The following FAM149A variants were observed in gnomAD, a reference collection of about 807,000 sequenced individuals.
The protein encoded by FAM149A is family with sequence similarity 149 member A, also known as protein FAM149A.
Under a neutral mutation model 78.2 loss-of-function variants are expected in FAM149A, and 71 were observed. The observed-to-expected ratio is 0.91, with a 90% CI of 0.75 to 1.11. The LOEUF is 1.11. FAM149A is among the 50% of genes least tolerant of loss of function. FAM149A has a pLI of 0.00. For synonymous variants in FAM149A, 446 were observed against 410.5 expected (o/e 1.09, Z -1.04); for missense variants, 1,036 against 971.0 (o/e 1.07, Z -0.89).
chr4:186,171,935 C>T lies in FAM149A; in HGVS notation c.2240C>T (p.Ser747Phe). The T allele has an allele frequency of 6.2e-7, 1 of 1,611,178 alleles. No homozygotes were observed. The highest frequency in any genetic ancestry group is 8.5e-7 in the Non-Finnish European group (1 of 1,178,950). Residue 747 changes from serine (S) to phenylalanine (F), a missense_variant, in exon 14 of 14, where the codon TCT (serine) becomes TTT (phenylalanine). By Grantham distance (155) the Ser-to-Phe change is radical. Transcript: ENST00000389354. ...CCAGGTTCACAATATGTGCCTAAAT[C>T]TTTTCAGAGGACAACTTTGACTTTC...
chr4:186,153,705 C>G lies in FAM149A; in HGVS notation c.993C>G (p.Ser331Arg). ...AAGGCGTCCAGCATTTCCAGGGCAG[C>G]ACTCCTGCCTCCGCAGTCCACAGAC... Residue 331 changes from serine to arginine, a missense_variant, in exon 5 of 14, where the codon AGC becomes AGG. Coordinates refer to ENST00000389354, the MANE Select transcript of FAM149A (RefSeq NM_001367768.3). 1 of 1,614,006 alleles carries G rather than the reference C, an allele frequency of 6.2e-7. No homozygotes were observed. Among genetic ancestry groups the G allele is most frequent in the Admixed American group, 1.7e-5 (1 of 60,026 alleles).
intron 1 of FAM149A, chr4:186,126,738 G>C (rs2099318495): frequency 3.0e-6 from 1 of 338,936 alleles, no homozygotes; most frequent in African/African-American, 2.2e-5. Flanking sequence ...TGGCTTTCCT[G>C]GTTCTTCAGC....
rs1000736356 is a variant in FAM149A at position 186,162,909 on chromosome 4, C to A, written c.1640C>A (p.Pro547Gln). The change falls in exon 9 of 14, where the codon CCG becomes CAG. Residue 547 changes from proline (P) to glutamine (Q), a missense_variant. Pro to Gln is a moderately conservative substitution (Grantham distance 76). This residue lies in a region of FAM149A where 716 missense variants were observed against 711.8 expected (regional missense o/e 1.01). Coordinates refer to ENST00000389354, the MANE Select transcript of FAM149A (RefSeq NM_001367768.3). The stretch of plus-strand genomic sequence containing the variant: ...GGTGTCATGACAATTCAAGCAAAAC[C>A]GCTTCAGCGGAGACCTGCCTATTTT... 6.2e-7 allele frequency: 1 copy of A among 1,610,542 alleles called. No homozygotes were observed. Among genetic ancestry groups the A allele is most frequent in the Admixed American group, 1.7e-5 (1 of 59,646 alleles).
At chr4:186,168,514 C>A (rs1735250111) in intron 13 of FAM149A, among the ~76,000 whole-genome samples, 1 of 152,198 alleles carries the variant, frequency 6.6e-6, no homozygotes, top group African/African-American at 2.4e-5. Flanking sequence ...TGCCACGATG[C>A]CTGGCTAATG....
At chr4:186,132,817 T>C (rs891500897) in intron 1 of FAM149A, 5 of 208,050 alleles carry the variant, frequency 2.4e-5, no homozygotes, top group African/African-American at 1.2e-4. Context: ...GATAGTTTCT[T>C]GCATGACTCA....
At chr4:186,114,246 G>T (rs2099312616) in intron 1 of FAM149A, among the ~76,000 whole-genome samples, 1 of 27,256 alleles carries the variant, frequency 3.7e-5, no homozygotes, top group Admixed American at 4.4e-4. Flanking sequence ...CCATTGGCTT[G>T]GTAGATCTTC....
At chr4:186,160,604 A>G (rs1734511656) in intron 8 of FAM149A, among the ~76,000 whole-genome samples, 1 of 147,094 alleles carries the variant, frequency 6.8e-6, no homozygotes, top group Non-Finnish European at 1.5e-5. Context: ...ACACACATAC[A>G]CCACATGCAT....
chr4:186,129,441 T>C (rs1330441077), intron 1 of FAM149A, among the ~76,000 whole-genome samples: 3 of 152,174 alleles, frequency 2.0e-5, no homozygotes. Flanking sequence ...GAAAGATGAA[T>C]GTGATTCATA....
intron 1 of FAM149A, chr4:186,127,452 C>T: frequency 3.0e-6 from 3 of 985,438 alleles, no homozygotes; most frequent in Non-Finnish European, 3.6e-6. Context: ...GAAGAGATGT[C>T]AAGAGGCTGG....
intron 8 of FAM149A, among the ~76,000 whole-genome samples, chr4:186,159,620 A>G (rs1734349674): frequency 6.6e-6 from 1 of 152,140 alleles, no homozygotes. Context: ...ATCTTGTCCA[A>G]GGGATTATTG....
At chr4:186,131,235 T>C (rs2099320610) in intron 1 of FAM149A, among the ~76,000 whole-genome samples, 2 of 151,934 alleles carry the variant, frequency 1.3e-5, no homozygotes, top group Non-Finnish European at 2.9e-5. Flanking sequence ...GTAATCCCAT[T>C]TACTCGGGAG....
In FAM149A at chr4:186,164,153, C is replaced by T. The variant is rs949315949; in HGVS notation, c.1889+520C>T. On this transcript the variant is annotated intron_variant, in intron 10 of 13. Coordinates refer to ENST00000389354, the MANE Select transcript of FAM149A (RefSeq NM_001367768.3). This position sits in a 1 kb window ranked among gnomAD's most constrained non-coding sequence, Gnocchi z 4.0. ...TGCCCTCCAGCTAACTTACCAGTAT[C>T]GGCCAATACTTACATTGATAATAAT... Among the ~76,000 whole-genome samples, 4 of 152,162 alleles carry T rather than the reference C, an allele frequency of 2.6e-5. No individual in the cohort carries two copies. Among genetic ancestry groups the T allele is most frequent in the Non-Finnish European group, 5.9e-5 (4 of 68,020 alleles).
chr4:186,164,418 G>A lies in FAM149A; in HGVS notation c.1889+785G>A, dbSNP rs1734854936. 4 of 983,520 alleles carry A rather than the reference G, an allele frequency of 4.1e-6. No homozygotes were observed. The highest frequency in any genetic ancestry group is 3.6e-6 in the Non-Finnish European group (3 of 828,318). 60.9% of individuals were successfully genotyped at this position (983,520 alleles called of 1,614,324 possible). A position where few individuals can be genotyped will look rare whatever the true frequency, so the allele number is the denominator to read the frequency against. ...CCACCCACTGGACCCCCGGCCTGCA[G>A]GGGAGCTGTTATCAGGAGCCGAGCT... On this transcript the variant is annotated intron_variant, in intron 10 of 13. Transcript: ENST00000389354. This position sits in a 1 kb window ranked among gnomAD's most constrained non-coding sequence, Gnocchi z 4.0.
chr4:186,170,049 T>G, intron 13 of FAM149A: 1 of 621,498 alleles, frequency 1.6e-6, no homozygotes, highest in Non-Finnish European at 2.0e-6. Context: ...CCAGGCCCCC[T>G]CAGGATCAGG....
chr4:186,170,156 A>G (rs1735403574), intron 13 of FAM149A, among the ~76,000 whole-genome samples: 1 of 152,122 alleles, frequency 6.6e-6, no homozygotes, highest in African/African-American at 2.4e-5. Context: ...TGCAGTCCGG[A>G]AGGGAGGGCA....
At position 186,146,747 on chromosome 4, in the gene FAM149A, C is replaced by T. The variant is rs2067111350; in HGVS notation, c.567-2426C>T. On this transcript the variant is annotated intron_variant, in intron 1 of 13. Transcript: ENST00000389354. The stretch of plus-strand genomic sequence containing the variant: ...CCAAAGAAGAGCTGTGACTTTTTAA[C>T]GAGTAAAACGTTATCCAATAGTGTC... The T allele has an allele frequency of 1.1e-5, 11 of 964,424 alleles. No individual in the cohort carries two copies. In the South Asian group the frequency reaches 5.3e-4, roughly 46 times the overall value. The allele number at this position is 964,424 out of a possible 1,614,324, so 59.7% of individuals were successfully genotyped here. A position where few individuals can be genotyped will look rare whatever the true frequency, so the allele number is the denominator to read the frequency against.
intron 13 of FAM149A, chr4:186,170,017 T>C (rs986425795): frequency 3.5e-6 from 3 of 851,286 alleles, no homozygotes; most frequent in Non-Finnish European, 2.8e-6. Flanking sequence ...TCATCCCCAT[T>C]TGGGGAGTGG....
At chr4:186,168,953 G>T (rs1735300621) in intron 13 of FAM149A, among the ~76,000 whole-genome samples, 1 of 152,166 alleles carries the variant, frequency 6.6e-6, no homozygotes, top group African/African-American at 2.4e-5. Context: ...GAGAGAGAGG[G>T]AGTGAGGGCT....
intron 13 of FAM149A, among the ~76,000 whole-genome samples, chr4:186,168,349 T>TTTTA (rs1198592843): frequency 3.4e-4 from 52 of 152,266 alleles, no homozygotes; most frequent in South Asian, 1.9e-3. Context: ...CAGGTGTTGC[T>TTTTA]TTTATTTATT....
Sources: gnomAD v4.1 joint callset for allele counts (sites outside exome capture counted in the v4.1 genomes callset) on GRCh38, gnomAD v4.1.1 for gene constraint, gnomAD v4.1.1 regional missense constraint, Gnocchi (gnomAD v3.1) non-coding constraint, MANE v1.5 for transcripts, NCBI Gene and HGNC (gene_info 2026-07-23, HGNC 2026-07-21) for gene names.